The following ACOX1 variants were observed in gnomAD, a reference collection of about 807,000 sequenced individuals.
The protein encoded by ACOX1 is acyl-CoA oxidase 1.
In ACOX1, 41 loss-of-function variants were observed where a neutral mutation model predicts 75.5. The observed-to-expected ratio is 0.54, with a 90% CI of 0.42 to 0.70. The LOEUF (loss-of-function observed/expected upper bound fraction) is 0.70, where lower values mean the gene tolerates loss of function less well. ACOX1 is among the 30% of genes least tolerant of loss of function. The probability of loss-of-function intolerance (pLI) is 0.00; values close to 1 mark genes in which losing one functional copy is unlikely to be tolerated. For missense variants in ACOX1, 630 were observed against 837.5 expected, an observed-to-expected ratio of 0.75 and a Z score of 3.06; for synonymous variants, 303 against 298.8, an observed-to-expected ratio of 1.01 and a Z score of -0.15.
chr17:75,976,963 G>C (rs1440955405), intron 2 of ACOX1, among the ~76,000 whole-genome samples: 1 of 144,108 alleles, frequency 6.9e-6, no homozygotes, highest in East Asian at 2.1e-4. Flanking sequence ...TCATGTAATA[G>C]TGTTTGTTTA....
At chr17:75,953,297 G>A in intron 7 of ACOX1, 154 bp downstream of exon 7, 1 of 778,456 alleles carries the variant, frequency 1.3e-6, no homozygotes, top group South Asian at 1.5e-5. Context: ...CTTAAGAAAA[G>A]GAAGCCTAGA....
Position 75,949,770 on chromosome 17 carries a change from C to G in ACOX1, c.1426G>C (p.Asp476His). ...QQVAVWPTMVDINSPESLTEA... is the reference protein window; with the variant it reads ...QQVAVWPTMVHINSPESLTEA... ...GTTAGGCTTTCGGGGCTGTTGATAT[C>G]CACCATGGTTGGCCAGACTGCTACC... The change falls in exon 10 of 14, where the codon GAT becomes CAT. Residue 476 changes from aspartate (D) to histidine (H), a missense_variant. Coordinates refer to ENST00000293217, the MANE Select transcript of ACOX1 (RefSeq NM_004035.7). The G allele has an allele frequency of 1.2e-6, 2 of 1,614,010 alleles. No individual in the cohort carries two copies. The highest frequency in any genetic ancestry group is 2.2e-5 in the East Asian group (1 of 44,892).
Position 75,960,741 on chromosome 17 carries a change from G to A in ACOX1, c.270-366C>T, listed in dbSNP as rs2065879251. 1.3e-5 allele frequency among the ~76,000 whole-genome samples: 2 copies of A among 152,210 alleles called. No homozygotes were observed. Among genetic ancestry groups the A allele is most frequent in the African/African-American group, 2.4e-5 (1 of 41,454 alleles). On this transcript the variant is annotated intron_variant, in intron 2 of 13. Transcript: ENST00000293217. The surrounding 1 kb of genome is among the most constrained non-coding windows in gnomAD (Gnocchi z 4.4). Reference sequence around the variant, plus strand: ...GCCTACAATCTCAGCACTTTGGGAGGCCAAGGCGGTCAGATCACCTTAAGT... The same window carrying A: ...GCCTACAATCTCAGCACTTTGGGAGACCAAGGCGGTCAGATCACCTTAAGT...
rs986640974 is a variant in ACOX1 at position 75,946,180 on chromosome 17, C to T, written c.*568G>A. 1.8e-5 allele frequency: 3 copies of T among 163,580 alleles called. No homozygotes were observed. Among genetic ancestry groups the T allele is most frequent in the Non-Finnish European group, 4.0e-5 (3 of 74,682 alleles). 10.1% of individuals were successfully genotyped at this position (163,580 alleles called of 1,614,324 possible). A position where few individuals can be genotyped will look rare whatever the true frequency, so the allele number is the denominator to read the frequency against. On this transcript the variant is annotated 3_prime_UTR_variant, in exon 14 of 14. Coordinates refer to ENST00000293217, the MANE Select transcript of ACOX1 (RefSeq NM_004035.7). ...GCTAGCATGAATAGTTTGATAAATGCAATCCATCAGCAAAGGAGAGCAAGC... is the reference window on the plus strand; with the variant it reads ...GCTAGCATGAATAGTTTGATAAATGTAATCCATCAGCAAAGGAGAGCAAGC...
chr17:75,972,860 C>T (rs2066010049), intron 2 of ACOX1, among the ~76,000 whole-genome samples: 1 of 152,106 alleles, frequency 6.6e-6, no homozygotes, highest in Admixed American at 6.6e-5. Context: ...AGCAATCAAA[C>T]ACAAAATGAT....
In ACOX1 at chr17:75,941,584, T is replaced by C. The variant is rs3643; in HGVS notation, c.*5164A>G. On this transcript the variant is annotated 3_prime_UTR_variant, in exon 14 of 14. Coordinates refer to ENST00000293217, the MANE Select transcript of ACOX1 (RefSeq NM_004035.7). The stretch of plus-strand genomic sequence containing the variant: ...CAGAGGAAAGAACGGTTTGTAGTTT[T>C]GCTTACCCGCAGTGCTGGCAGGTCA... The C allele has an allele frequency of 0.21, 31,882 of 152,278 alleles. 6,785 individuals are homozygous for C. The highest frequency in any genetic ancestry group is 0.55 in the African/African-American group (22,735 of 41,484). 9.4% of individuals were successfully genotyped at this position (152,278 alleles called of 1,614,324 possible).
Position 75,960,510 on chromosome 17 carries a change from T to C in ACOX1, c.270-135A>G. 1.2e-6 allele frequency: 1 copy of C among 851,690 alleles called. No individual in the cohort carries two copies. Among genetic ancestry groups the C allele is most frequent in the Non-Finnish European group, 1.9e-6 (1 of 522,696 alleles). The allele number at this position is 851,690 out of a possible 1,614,324, so 52.8% of individuals were successfully genotyped here. A position where few individuals can be genotyped will look rare whatever the true frequency, so the allele number is the denominator to read the frequency against. Reference sequence around the variant, plus strand: ...TTAGTTGCGTGCACTTAATCATAGATGGGAGCACTGTCCCTTTCTGTATTA... The same window carrying C: ...TTAGTTGCGTGCACTTAATCATAGACGGGAGCACTGTCCCTTTCTGTATTA... On this transcript the variant is annotated intron_variant, in intron 2 of 13. Transcript: ENST00000293217. The surrounding 1 kb of genome is among the most constrained non-coding windows in gnomAD (Gnocchi z 4.4).
In ACOX1 at chr17:75,978,727, C is replaced by T. The variant is rs183603628; in HGVS notation, c.110-34G>A. 467 of 1,605,328 alleles carry T rather than the reference C, an allele frequency of 2.9e-4. 1 individual carries two copies. The Middle Eastern group carries it at 4.8e-3, about 17-fold the overall frequency. On this transcript the variant is annotated intron_variant, in intron 1 of 13. Transcript: ENST00000293217. The surrounding 1 kb of genome is among the most constrained non-coding windows in gnomAD (Gnocchi z 4.2). ...GGGTTAAAGGGCATTAAAAGGCAGACAGACACTCGGGCCTCCGTTCCACCC... is the reference window on the plus strand; with the variant it reads ...GGGTTAAAGGGCATTAAAAGGCAGATAGACACTCGGGCCTCCGTTCCACCC...
At position 75,978,445 on chromosome 17, in the gene ACOX1, A is replaced by G; in HGVS notation, c.269+89T>C. 6.5e-7 allele frequency: 1 copy of G among 1,543,834 alleles called. No individual in the cohort carries two copies. Among genetic ancestry groups the G allele is most frequent in the South Asian group, 1.1e-5 (1 of 89,244 alleles). On this transcript the variant is annotated intron_variant, in intron 2 of 13. Coordinates refer to ENST00000293217, the MANE Select transcript of ACOX1 (RefSeq NM_004035.7). The surrounding 1 kb of genome is among the most constrained non-coding windows in gnomAD (Gnocchi z 4.2). ...AAAATATGCCAGTTTGCATCTTCAA[A>G]CACCAAGCACGGTGATGAAAGGCCA... is the stretch of plus-strand genomic sequence containing the variant.
chr17:75,966,799 C>T (rs2065937086), intron 2 of ACOX1, among the ~76,000 whole-genome samples: 1 of 150,876 alleles, frequency 6.6e-6, no homozygotes, highest in Non-Finnish European at 1.5e-5. Context: ...GATTCTGTCT[C>T]AAAAAAATTT....
chr17:75,978,899 ACTCCG>A lies in ACOX1; in HGVS notation c.109+61_109+65del, dbSNP rs760228946. On this transcript the variant is annotated intron_variant, in intron 1 of 13. Coordinates refer to ENST00000293217, the MANE Select transcript of ACOX1 (RefSeq NM_004035.7). The surrounding 1 kb of genome is among the most constrained non-coding windows in gnomAD (Gnocchi z 4.2). Reference sequence around the variant, plus strand: ...GGGCCTAGGCCCCACAGCGCCCCTGACTCCGCATCGAGGGAGTCTCCAGCTTTTCT... The same window carrying A: ...GGGCCTAGGCCCCACAGCGCCCCTGACATCGAGGGAGTCTCCAGCTTTTCT... The A allele has an allele frequency of 1.6e-5, 25 of 1,601,870 alleles. No individual in the cohort carries two copies. The African/African-American group carries it at 3.4e-4, about 21-fold the overall frequency.
Position 75,956,426 on chromosome 17 carries a change from C to T in ACOX1, c.539-479G>A, listed in dbSNP as rs760006766. 3.7e-4 allele frequency among the ~76,000 whole-genome samples: 57 copies of T among 152,044 alleles called. 1 individual carries two copies. Among genetic ancestry groups the T allele is most frequent in the Non-Finnish European group, 7.2e-4 (49 of 68,020 alleles). On this transcript the variant is annotated intron_variant, in intron 4 of 13. Transcript: ENST00000293217. ...TTCGGGTCAGCCGGGCACGGTGGCT[C>T]GCGCCTGTAATTCCAGCACTTTGGG...
chr17:75,956,762 C>CT (rs1205883868), intron 4 of ACOX1, among the ~76,000 whole-genome samples: 1 of 148,354 alleles, frequency 6.7e-6, no homozygotes, highest in Non-Finnish European at 1.5e-5. Flanking sequence ...GGGTTTCACT[C>CT]TGTCACCCAG....
intron 2 of ACOX1, among the ~76,000 whole-genome samples, chr17:75,972,378 G>A (rs1598199936): frequency 1.3e-5 from 2 of 148,466 alleles, no homozygotes; most frequent in East Asian, 2.0e-4. Context: ...GGTGGCTCAC[G>A]CCTGTAGCCT....
In ACOX1 at chr17:75,945,331, A is replaced by T. The variant is rs1297506313; in HGVS notation, c.*1417T>A. The T allele has an allele frequency of 6.6e-6, 1 of 152,236 alleles. No individual in the cohort carries two copies. The highest frequency in any genetic ancestry group is 6.5e-5 in the Admixed American group (1 of 15,280). 9.4% of individuals were successfully genotyped at this position (152,236 alleles called of 1,614,324 possible). A position where few individuals can be genotyped will look rare whatever the true frequency, so the allele number is the denominator to read the frequency against. ...TAACACAGGGTTAATCTTCAATCTT[A>T]ACACAATTATCAATTAGTTCTCCCA... On this transcript the variant is annotated 3_prime_UTR_variant, in exon 14 of 14. Coordinates refer to ENST00000293217, the MANE Select transcript of ACOX1 (RefSeq NM_004035.7).
At chr17:75,961,220 G>A (rs1461757539) in intron 2 of ACOX1, among the ~76,000 whole-genome samples, 1 of 150,698 alleles carries the variant, frequency 6.6e-6, no homozygotes, top group African/African-American at 2.4e-5. Context: ...TCCAACCCAG[G>A]AGGCAGAGGT....
intron 2 of ACOX1, among the ~76,000 whole-genome samples, chr17:75,967,673 T>TACATATATATAC (rs2065948219): frequency 7.1e-6 from 1 of 141,262 alleles, no homozygotes; most frequent in African/African-American, 2.7e-5. Flanking sequence ...TATATATACA[T>TACATATATATAC]ATATATACGT....
chr17:75,970,719 C>A (rs993357248), intron 2 of ACOX1, among the ~76,000 whole-genome samples: 2 of 152,180 alleles, frequency 1.3e-5, no homozygotes, highest in South Asian at 4.1e-4. Flanking sequence ...ACTGTTGATC[C>A]ATTTTCCAAA....
intron 7 of ACOX1, among the ~76,000 whole-genome samples, chr17:75,952,092 C>T (rs1286452443): frequency 6.6e-6 from 1 of 152,054 alleles, no homozygotes; most frequent in Non-Finnish European, 1.5e-5. Flanking sequence ...CTAAGAAAAC[C>T]GTAGCTCATA....
Sources: allele counts gnomAD v4.1 joint callset (sites outside exome capture counted in the v4.1 genomes callset), GRCh38; gene constraint gnomAD v4.1.1; non-coding constraint Gnocchi (gnomAD v3.1); transcripts MANE v1.5; gene names NCBI Gene and HGNC (gene_info 2026-07-23, HGNC 2026-07-21).